The following SELENOP variants were observed in gnomAD, a reference collection of about 807,000 sequenced individuals.
SELENOP encodes the protein selenoprotein P, plasma, 1.
SELENOP carries 36 observed loss-of-function variants against 41.0 expected under a neutral mutation model. The ratio of observed to expected loss-of-function variants is 0.88; its 90% CI spans 0.67 to 1.16. The LOEUF is 1.16. SELENOP is among the 50% of genes most tolerant of loss of function. The pLI, the probability that SELENOP is intolerant of heterozygous loss-of-function variation, is 0.00. For missense variants in SELENOP, 440 were observed against 454.2 expected (o/e 0.97, Z 0.28); for synonymous variants, 144 against 150.8 (o/e 0.95, Z 0.33).
intron 4 of SELENOP, 80 bp downstream of exon 4, chr5:42,804,574 TGA>T: frequency 2.7e-6 from 2 of 738,816 alleles, no homozygotes; most frequent in Non-Finnish European, 2.3e-6. Flanking sequence ...GCAAAAGCAT[TGA>T]GTTTTCTAAA....
chr5:42,810,792 A>C lies in SELENOP; in HGVS notation c.-14+1044T>G, dbSNP rs778363714. 9.4e-6 allele frequency: 10 copies of C among 1,060,970 alleles called. No individual in the cohort carries two copies. In the South Asian group the frequency reaches 2.9e-4, roughly 30 times the overall value. The allele number at this position is 1,060,970 out of a possible 1,614,324, so 65.7% of individuals were successfully genotyped here. ...TATTGCAAGTAGCTGAATGGTGAAT[A>C]CAAATGAAAAGACTGTTTCACTCAT... On this transcript the variant is annotated intron_variant, in intron 1 of 4. Coordinates refer to ENST00000514985, the MANE Select transcript of SELENOP (RefSeq NM_005410.4).
intron 4 of SELENOP, among the ~76,000 whole-genome samples, chr5:42,802,608 C>A (rs758496174): frequency 3.9e-5 from 6 of 151,912 alleles, no homozygotes; most frequent in Non-Finnish European, 7.4e-5. Context: ...AGTCTAATTT[C>A]TTTCATTTAT....
Position 42,807,373 on chromosome 5 carries a change from G to T in SELENOP, c.204-265C>A, listed in dbSNP as rs555797060. 1.0e-3 allele frequency: 234 copies of T among 228,572 alleles called. 1 individual carries two copies. The highest frequency in any genetic ancestry group is 3.0e-3 in the South Asian group (31 of 10,322). The allele number at this position is 228,572 out of a possible 1,614,324, so 14.2% of individuals were successfully genotyped here. A position where few individuals can be genotyped will look rare whatever the true frequency, so the allele number is the denominator to read the frequency against. On this transcript the variant is annotated intron_variant, in intron 2 of 4. Coordinates refer to ENST00000514985, the MANE Select transcript of SELENOP (RefSeq NM_005410.4). ...TAGCACGATGAAGTGTATATATTTTGAATGTATCTTATAGGTAGAATGGAT... is the reference window on the plus strand; with the variant it reads ...TAGCACGATGAAGTGTATATATTTTTAATGTATCTTATAGGTAGAATGGAT...
Position 42,807,075 on chromosome 5 carries a change from T to G in SELENOP, c.237A>C (p.Glu79Asp). 6.5e-7 allele frequency: 1 copy of G among 1,535,174 alleles called. No individual in the cohort carries two copies. Among genetic ancestry groups the G allele is most frequent in the Non-Finnish European group, 9.0e-7 (1 of 1,115,200 alleles). ...LEDLRVKLKK[E>D]GYSNISYIVV... ...CAATATAAGAAATATTAGAATATCC[T>G]TCTTTCTTCAGTTTTACTCGCAGGT... Residue 79 changes from glutamate (E) to aspartate (D), a missense_variant, in exon 3 of 5, where the codon GAA becomes GAC. Physicochemically the swap from Glu to Asp is conservative, Grantham distance 45 (BLOSUM62 2). Transcript: ENST00000514985.
rs192806125 is a variant in SELENOP at position 42,807,934 on chromosome 5, A to G, written c.203+217T>C. 181 of 320,416 alleles carry G rather than the reference A, an allele frequency of 5.6e-4. 1 individual carries two copies. The highest frequency in any genetic ancestry group is 3.8e-3 in the African/African-American group (177 of 47,026). 19.8% of individuals were successfully genotyped at this position (320,416 alleles called of 1,614,324 possible). ...AGTTATAAAATATAGGTGCACAAAA[A>G]GAAGAAAAAATTTCCATAACCCTAG... On this transcript the variant is annotated intron_variant, in intron 2 of 4. Transcript: ENST00000514985.
intron 1 of SELENOP, among the ~76,000 whole-genome samples, chr5:42,808,740 C>T (rs1469718639): frequency 6.7e-6 from 1 of 148,230 alleles, no homozygotes; most frequent in African/African-American, 2.5e-5. Context: ...AACCCCTTCT[C>T]TACTAAAATT....
chr5:42,803,256 A>C (rs1760253374), intron 4 of SELENOP, among the ~76,000 whole-genome samples: 1 of 152,196 alleles, frequency 6.6e-6, no homozygotes, highest in South Asian at 2.1e-4. Context: ...GGGTATATTT[A>C]TAACTAGCAA....
intron 1 of SELENOP, among the ~76,000 whole-genome samples, chr5:42,811,496 C>T (rs1026528608): frequency 1.3e-5 from 2 of 152,162 alleles, no homozygotes; most frequent in African/African-American, 4.8e-5. Flanking sequence ...TTACTCTGCC[C>T]TTCAGTGGAA....
intron 1 of SELENOP, among the ~76,000 whole-genome samples, chr5:42,810,956 C>T (rs375425824): frequency 5.9e-5 from 9 of 152,108 alleles, no homozygotes; most frequent in African/African-American, 1.4e-4. Context: ...TTTCTTACAC[C>T]GTAAACCTTT....
chr5:42,800,630 T>C lies in SELENOP; in HGVS notation c.*90A>G. ...CATGTTTGCACAAATCTAATTTCTA[T>C]TTTTGGTTCACTAATTTGGTAGTTT... On this transcript the variant is annotated 3_prime_UTR_variant, in exon 5 of 5. Transcript: ENST00000514985. 1 of 1,420,318 alleles carries C rather than the reference T, an allele frequency of 7.0e-7. No individual in the cohort carries two copies. The highest frequency in any genetic ancestry group is 9.5e-7 in the Non-Finnish European group (1 of 1,055,612). 88.0% of individuals were successfully genotyped at this position (1,420,318 alleles called of 1,614,324 possible). A position where few individuals can be genotyped will look rare whatever the true frequency, so the allele number is the denominator to read the frequency against.
At chr5:42,803,240 A>G (rs1406114787) in intron 4 of SELENOP, among the ~76,000 whole-genome samples, 1 of 152,176 alleles carries the variant, frequency 6.6e-6, no homozygotes, top group African/African-American at 2.4e-5. Flanking sequence ...CTTTTTCAAT[A>G]TAACTGGGTA....
chr5:42,801,234 T>C lies in SELENOP; in HGVS notation c.632A>G (p.His211Arg). 6.2e-7 allele frequency: 1 copy of C among 1,614,170 alleles called. No individual in the cohort carries two copies. The highest frequency in any genetic ancestry group is 8.5e-7 in the Non-Finnish European group (1 of 1,180,028). Reference protein sequence around the residue: ...PSPHYHHEHHHNHGHQHLGSS... With the variant: ...PSPHYHHEHHRNHGHQHLGSS... Reference sequence around the variant, plus strand: ...GCCAAGGTGCTGATGTCCATGATTGTGATGATGCTCATGATGGTAATGAGG... The same window carrying C: ...GCCAAGGTGCTGATGTCCATGATTGCGATGATGCTCATGATGGTAATGAGG... Residue 211 changes from histidine to arginine, a missense_variant, in exon 5 of 5, where the codon CAC becomes CGC. Physicochemically the swap from His to Arg is conservative, Grantham distance 29 (BLOSUM62 0). Transcript: ENST00000514985.
chr5:42,810,805 C>G, intron 1 of SELENOP: 1 of 1,036,052 alleles, frequency 9.7e-7, no homozygotes, highest in Non-Finnish European at 1.2e-6. Context: ...AATGAAAAGA[C>G]TGTTTCACTC....
intron 4 of SELENOP, among the ~76,000 whole-genome samples, chr5:42,802,572 A>G (rs540950855): frequency 6.6e-6 from 1 of 152,326 alleles, no homozygotes; most frequent in South Asian, 2.1e-4. Flanking sequence ...TTCAAGGTTT[A>G]AACAAACACA....
rs757089721 is a variant in SELENOP at position 42,804,766 on chromosome 5, G to C, written c.424C>G (p.Arg142Gly). The change falls in exon 4 of 5, where the codon CGT becomes GGT. Residue 142 changes from arginine (R) to glycine (G), a missense_variant. Arg to Gly is a moderately radical substitution (Grantham distance 125). Transcript: ENST00000514985. The stretch of plus-strand genomic sequence containing the variant: ...GGCAAACCAAGATGATATACAAGAC[G>C]GCCACATCTAAGAAAAAGGACAAAT... ...DDFLIYDRCG[R>G]LVYHLGLPFS... 1.3e-6 allele frequency: 2 copies of C among 1,574,194 alleles called. No individual in the cohort carries two copies. Among genetic ancestry groups the C allele is most frequent in the Non-Finnish European group, 1.7e-6 (2 of 1,148,168 alleles).
At position 42,807,114 on chromosome 5, in the gene SELENOP, A is replaced by C; in HGVS notation, c.204-6T>G. 1.5e-6 allele frequency: 2 copies of C among 1,329,598 alleles called. No individual in the cohort carries two copies. The highest frequency in any genetic ancestry group is 2.1e-6 in the Non-Finnish European group (2 of 939,606). The allele number at this position is 1,329,598 out of a possible 1,614,324, so 82.4% of individuals were successfully genotyped here. A position where few individuals can be genotyped will look rare whatever the true frequency, so the allele number is the denominator to read the frequency against. ...TTACTCGCAGGTCTTCTAATCTAAA[A>C]TATTTGGGAAGAAATACATAAAATG... On this transcript the variant is annotated splice_region_variant and splice_polypyrimidine_tract_variant and intron_variant, in intron 2 of 4. Transcript: ENST00000514985.
chr5:42,810,150 AAGTC>A (rs1344163664), intron 1 of SELENOP, among the ~76,000 whole-genome samples: 1 of 152,176 alleles, frequency 6.6e-6, no homozygotes, highest in Non-Finnish European at 1.5e-5. Flanking sequence ...CACAGAGAGA[AAGTC>A]AGTCACAAAA....
At position 42,799,953 on chromosome 5, in the gene SELENOP, T is replaced by C. The variant is rs1760143052; in HGVS notation, c.*767A>G. 4 of 704,312 alleles carry C rather than the reference T, an allele frequency of 5.7e-6. No individual in the cohort carries two copies. In the African/African-American group the frequency reaches 7.3e-5, roughly 13 times the overall value. The allele number at this position is 704,312 out of a possible 1,614,324, so 43.6% of individuals were successfully genotyped here. A position where few individuals can be genotyped will look rare whatever the true frequency, so the allele number is the denominator to read the frequency against. ...TCCAATTCTGTACTGCATTCTTGCT[T>C]AATAGTATTAACCATAAAGGAGGTC... On this transcript the variant is annotated 3_prime_UTR_variant, in exon 5 of 5. Coordinates refer to ENST00000514985, the MANE Select transcript of SELENOP (RefSeq NM_005410.4).
chr5:42,801,300 A>G lies in SELENOP; in HGVS notation c.566T>C (p.Val189Ala). 1.9e-6 allele frequency: 3 copies of G among 1,611,748 alleles called. No individual in the cohort carries two copies. The highest frequency in any genetic ancestry group is 2.5e-6 in the Non-Finnish European group (3 of 1,178,914). ...TLKDEDFCKR[V>A]SLATVDKTVE... The stretch of plus-strand genomic sequence containing the variant: ...TGTTTTATCCACAGTAGCCAAAGAT[A>G]CACGTTTACAAAAGTCTTCATCTTT... The change falls in exon 5 of 5, where the codon GTA (valine) becomes GCA (alanine). Residue 189 changes from valine to alanine, a missense_variant. Physicochemically the swap from Val to Ala is moderately conservative, Grantham distance 64. Coordinates refer to ENST00000514985, the MANE Select transcript of SELENOP (RefSeq NM_005410.4).
Sources: gnomAD v4.1 joint callset for allele counts (sites outside exome capture counted in the v4.1 genomes callset) on GRCh38, gnomAD v4.1.1 for gene constraint, MANE v1.5 for transcripts, NCBI Gene and HGNC (gene_info 2026-07-23, HGNC 2026-07-21) for gene names.